Variants in RAPGEF2 observed in about 807,000 individuals in gnomAD.
RAPGEF2 encodes PDZ domain containing guanine nucleotide exchange factor (GEF) 1.
RAPGEF2 carries 54 observed loss-of-function variants against 186.7 expected under a neutral mutation model. The observed-to-expected ratio is 0.29, with a 90% CI of 0.23 to 0.36. The LOEUF (loss-of-function observed/expected upper bound fraction) is 0.36, where lower values mean the gene tolerates loss of function less well. RAPGEF2 is among the 10% of genes least tolerant of loss of function. The probability of loss-of-function intolerance (pLI) is 1.00; values close to 1 mark genes in which losing one functional copy is unlikely to be tolerated. For missense variants in RAPGEF2, 1,532 were observed against 2,045.0 expected, an observed-to-expected ratio of 0.75 and a Z score of 4.84; for synonymous variants, 712 against 705.9, an observed-to-expected ratio of 1.01 and a Z score of -0.14.
chr4:159,318,843 T>C (rs550313035), intron 9 of RAPGEF2, among the ~76,000 whole-genome samples: 4 of 152,330 alleles, frequency 2.6e-5, no homozygotes, highest in African/African-American at 9.6e-5. Context: ...CGGCTTCTGG[T>C]ATCTATAAGT....
At position 159,331,993 on chromosome 4, in the gene RAPGEF2, A is replaced by G. The variant is rs1220021162; in HGVS notation, c.1847A>G (p.Asn616Ser). The part of the protein sequence containing the change: ...QLSKAMEILR[N>S]NTHLSITVKT... Reference sequence around the variant, plus strand: ...TCAAAAGCTATGGAAATTCTTAGAAATAACACACATTTATCTATCACTGTG... The same window carrying G: ...TCAAAAGCTATGGAAATTCTTAGAAGTAACACACATTTATCTATCACTGTG... The change falls in exon 16 of 30, where the codon AAT becomes AGT. Residue 616 changes from asparagine to serine, a missense_variant. Transcript: ENST00000691494. The G allele has an allele frequency of 6.2e-7, 1 of 1,609,020 alleles. No homozygotes were observed. The highest frequency in any genetic ancestry group is 1.7e-5 in the Admixed American group (1 of 59,382).
At chr4:159,304,513 T>C (rs1421163273) in intron 8 of RAPGEF2, 40 bp downstream of exon 8, 1 of 1,552,370 alleles carries the variant, frequency 6.4e-7, no homozygotes, top group East Asian at 2.3e-5. Context: ...TCATTTTCAT[T>C]TATTCCAAGA....
At chr4:159,328,924 A>G (rs1766298783) in intron 11 of RAPGEF2, 2 of 152,140 alleles carry the variant, frequency 1.3e-5, no homozygotes, top group Admixed American at 1.3e-4. Flanking sequence ...AGAATAATGT[A>G]TTATCAGAGC....
intron 7 of RAPGEF2, chr4:159,267,399 G>C: frequency 4.5e-6 from 5 of 1,121,314 alleles, no homozygotes; most frequent in Non-Finnish European, 6.0e-6. Context: ...GTTTCTGTTA[G>C]TGGCTCTCTT....
intron 27 of RAPGEF2, 35 bp downstream of exon 27, chr4:159,352,945 T>C (rs934511251): frequency 2.0e-6 from 3 of 1,509,868 alleles, no homozygotes; most frequent in Admixed American, 3.8e-5. Context: ...TCTGAATTTA[T>C]CCTTCCATCT....
At chr4:159,177,817 C>G (rs770292970) in intron 1 of RAPGEF2, among the ~76,000 whole-genome samples, 3 of 152,174 alleles carry the variant, frequency 2.0e-5, no homozygotes, top group Non-Finnish European at 2.9e-5. Context: ...ATGTTCAAGA[C>G]GTAACTCTCT....
intron 1 of RAPGEF2, among the ~76,000 whole-genome samples, chr4:159,161,479 T>C (rs1404996150): frequency 6.6e-6 from 1 of 151,780 alleles, no homozygotes; most frequent in East Asian, 1.9e-4. Flanking sequence ...CCAAGGCAGG[T>C]GGATTGCCGA....
At chr4:159,207,150 G>A (rs1750072902) in intron 3 of RAPGEF2, among the ~76,000 whole-genome samples, 1 of 152,172 alleles carries the variant, frequency 6.6e-6, no homozygotes, top group Non-Finnish European at 1.5e-5. Context: ...ATTCTTTGGG[G>A]AATGTAGAGA....
chr4:159,193,312 TAAAG>T, intron 3 of RAPGEF2, 56 bp downstream of exon 3: 1 of 1,172,516 alleles, frequency 8.5e-7, no homozygotes, highest in Non-Finnish European at 1.1e-6. Context: ...TAAATTTTCT[TAAAG>T]TATCAAAGGA....
chr4:159,231,933 A>C (rs1752687538), intron 4 of RAPGEF2, among the ~76,000 whole-genome samples: 1 of 152,204 alleles, frequency 6.6e-6, no homozygotes, highest in African/African-American at 2.4e-5. Flanking sequence ...TTGTTAAGTT[A>C]TCATATAAAA....
intron 1 of RAPGEF2, among the ~76,000 whole-genome samples, chr4:159,105,674 T>G (rs1737791706): frequency 6.6e-6 from 1 of 152,258 alleles, no homozygotes; most frequent in Non-Finnish European, 1.5e-5. Context: ...CTGCCTTTCC[T>G]ATGCCTTTCT....
chr4:159,331,606 A>G (rs369707093), intron 14 of RAPGEF2, 24 bp from the exon 15 acceptor site: 7 of 1,613,208 alleles, frequency 4.3e-6, no homozygotes, highest in Non-Finnish European at 5.9e-6. Context: ...TTGAGTTGAC[A>G]CTACTGTTTC....
chr4:159,152,329 TAAGA>T (rs1050621743), intron 1 of RAPGEF2, among the ~76,000 whole-genome samples: 13 of 151,824 alleles, frequency 8.6e-5, no homozygotes, highest in South Asian at 6.2e-4. Flanking sequence ...TAAAAAAAAA[TAAGA>T]AAGAAAGAAA....
In RAPGEF2 at chr4:159,343,345, T is replaced by A. The variant is rs761359866; in HGVS notation, c.3195T>A (p.Ile1065=). The A allele has an allele frequency of 6.2e-7, 1 of 1,614,052 alleles. No individual in the cohort carries two copies. Among genetic ancestry groups the A allele is most frequent in the South Asian group, 1.1e-5 (1 of 91,060 alleles). ...AGCTAAGGATGATTGCAAAAGAAAT[T>A]CGTCACGTTGGCCGAATGGCTTCAG... is the stretch of plus-strand genomic sequence containing the variant. ...FEKLRMIAKE[I]RHVGRMASVN... The change falls in exon 22 of 30, where the codon ATT becomes ATA. Residue 1065 remains isoleucine (I), a synonymous_variant. Transcript: ENST00000691494.
At chr4:159,316,055 C>T (rs116459551) in intron 9 of RAPGEF2, among the ~76,000 whole-genome samples, 1 of 152,182 alleles carries the variant, frequency 6.6e-6, no homozygotes, top group Non-Finnish European at 1.5e-5. Context: ...GAGGCTACCG[C>T]TAGACCATGG....
chr4:159,297,084 A>T (rs1276348134), intron 7 of RAPGEF2, among the ~76,000 whole-genome samples: 1 of 152,212 alleles, frequency 6.6e-6, no homozygotes, highest in African/African-American at 2.4e-5. Context: ...ATATTTCAGT[A>T]GCTAATTCCA....
intron 1 of RAPGEF2, among the ~76,000 whole-genome samples, chr4:159,114,020 G>A (rs904549714): frequency 6.6e-6 from 1 of 151,850 alleles, no homozygotes; most frequent in Non-Finnish European, 1.5e-5. Context: ...GCAGTGACAT[G>A]ATCATGGCTC....
intron 7 of RAPGEF2, among the ~76,000 whole-genome samples, chr4:159,262,732 T>C (rs1203650685): frequency 6.6e-6 from 1 of 152,252 alleles, no homozygotes; most frequent in Non-Finnish European, 1.5e-5. Flanking sequence ...TTATAGATAG[T>C]TGCCACATAA....
rs142089252 is a variant in RAPGEF2, at chr4:159,333,472, A to G, written c.2135+775A>G. 3.0e-4 allele frequency among the ~76,000 whole-genome samples: 45 copies of G among 152,014 alleles called. 2 individuals are homozygous for G. Among genetic ancestry groups the G allele is most frequent in the African/African-American group, 1.0e-3 (42 of 41,436 alleles). ...TTCTCTGTTTTCCCCTCTCTCTTCT[A>G]TTTTCAGTTATTTAATTACTGTCAA... On this transcript the variant is annotated intron_variant, in intron 17 of 29. Coordinates refer to ENST00000691494, the MANE Select transcript of RAPGEF2 (RefSeq NM_001394067.2).
Sources: allele counts gnomAD v4.1 joint callset (sites outside exome capture counted in the v4.1 genomes callset), GRCh38; gene constraint gnomAD v4.1.1; transcripts MANE v1.5; gene names NCBI Gene and HGNC (gene_info 2026-07-23, HGNC 2026-07-21).